Variants in RAPGEF4 observed in about 807,000 individuals in gnomAD.
The protein encoded by RAPGEF4 is RAP guanine-nucleotide-exchange factor (GEF) 4.
A neutral mutation model predicts 147.9 loss-of-function variants in RAPGEF4; 66 were observed. The ratio of observed to expected loss-of-function variants is 0.45; its 90% CI spans 0.37 to 0.55. The LOEUF is 0.55. Among genes scored for constraint, RAPGEF4 ranks in the 20% least tolerant of loss-of-function variants. The pLI, the probability that RAPGEF4 is intolerant of heterozygous loss-of-function variation, is 0.00. For synonymous variants in RAPGEF4, 419 were observed against 442.7 expected (o/e 0.95, Z 0.67); for missense variants, 1,071 against 1,257.3 (o/e 0.85, Z 2.24).
At chr2:172,964,399 CTA>C (rs1689616224) in intron 8 of RAPGEF4, among the ~76,000 whole-genome samples, 1 of 75,454 alleles carries the variant, frequency 1.3e-5, no homozygotes, top group African/African-American at 4.5e-5. Context: ...TTTGCTCCTC[CTA>C]TTTTTTTTTT....
chr2:172,970,518 T>C (rs1217680617), intron 10 of RAPGEF4, among the ~76,000 whole-genome samples: 3 of 152,188 alleles, frequency 2.0e-5, no homozygotes, highest in Non-Finnish European at 2.9e-5. Context: ...TGATAATTAC[T>C]GGGAAAGAAA....
intron 1 of RAPGEF4, among the ~76,000 whole-genome samples, chr2:172,759,575 A>G (rs1414706883): frequency 2.6e-5 from 4 of 152,226 alleles, no homozygotes; most frequent in African/African-American, 7.2e-5. Context: ...CAGAAGTGAT[A>G]TTATCAATAA....
intron 17 of RAPGEF4, among the ~76,000 whole-genome samples, chr2:173,006,900 C>T (rs961178105): frequency 1.3e-5 from 2 of 152,088 alleles, no homozygotes; most frequent in South Asian, 2.1e-4. Context: ...CATATGTCAC[C>T]GTCAGAGGAA....
At chr2:172,887,506 C>A (rs945036508) in intron 4 of RAPGEF4, among the ~76,000 whole-genome samples, 3 of 152,324 alleles carry the variant, frequency 2.0e-5, no homozygotes, top group Admixed American at 2.0e-4. Context: ...CAAATCCAGA[C>A]TACTGCCTGG....
intron 6 of RAPGEF4, among the ~76,000 whole-genome samples, chr2:172,936,645 C>T (rs1376038248): frequency 6.6e-6 from 1 of 151,246 alleles, no homozygotes; most frequent in South Asian, 2.1e-4. Flanking sequence ...GTCAAAGTTA[C>T]TTTTCATACC....
At chr2:172,757,506 G>A (rs1695890591) in intron 1 of RAPGEF4, among the ~76,000 whole-genome samples, 1 of 152,136 alleles carries the variant, frequency 6.6e-6, no homozygotes, top group Non-Finnish European at 1.5e-5. Flanking sequence ...CTCCTTGCTT[G>A]CCCTTTAGGT....
At chr2:172,798,633 T>A (rs1341561161) in intron 3 of RAPGEF4, among the ~76,000 whole-genome samples, 1 of 103,774 alleles carries the variant, frequency 9.6e-6, no homozygotes, top group Non-Finnish European at 2.2e-5. Context: ...TAAGGCAATG[T>A]TTTGGAGGCT....
intron 29 of RAPGEF4, among the ~76,000 whole-genome samples, chr2:173,043,149 G>A (rs1684975647): frequency 6.6e-6 from 1 of 152,214 alleles, no homozygotes; most frequent in African/African-American, 2.4e-5. Context: ...AGGTCTGAGT[G>A]AAATAATCAA....
chr2:172,890,210 A>C (rs935616094), intron 4 of RAPGEF4, among the ~76,000 whole-genome samples: 2 of 152,236 alleles, frequency 1.3e-5, no homozygotes, highest in Non-Finnish European at 2.9e-5. Context: ...TAACATTTGT[A>C]GTGGCTCTAT....
At chr2:172,737,203 G>A (rs974631681) in intron 1 of RAPGEF4, among the ~76,000 whole-genome samples, 24 of 152,154 alleles carry the variant, frequency 1.6e-4, no homozygotes, top group African/African-American at 5.6e-4. Flanking sequence ...TTTTTTGGCA[G>A]GTAGTGCCCT....
intron 22 of RAPGEF4, among the ~76,000 whole-genome samples, chr2:173,020,318 T>C (rs1695952255): frequency 2.1e-4 from 2 of 9,334 alleles, no homozygotes; most frequent in Non-Finnish European, 0.019. Flanking sequence ...ACTTGTGAGA[T>C]AAATAGCCAA....
At position 172,989,106 on chromosome 2, in the gene RAPGEF4, C is replaced by T. The variant is rs531311377; in HGVS notation, c.1374+267C>T. ...CCCTGCACTGGTCCATGAGAATTGA[C>T]GATAAATAGGAATTGCCTTGGCAAA... On this transcript the variant is annotated intron_variant, in intron 14 of 30. Transcript: ENST00000397081. 6.6e-5 allele frequency among the ~76,000 whole-genome samples: 10 copies of T among 152,330 alleles called. No homozygotes were observed. The South Asian group carries it at 1.5e-3, about 22-fold the overall frequency.
At chr2:172,871,080 A>C (rs1003765864) in intron 4 of RAPGEF4, among the ~76,000 whole-genome samples, 2 of 152,190 alleles carry the variant, frequency 1.3e-5, no homozygotes, top group Non-Finnish European at 2.9e-5. Context: ...TCAGTGACCT[A>C]TATTTTCTAG....
chr2:172,996,370 C>A (rs1339804134), intron 15 of RAPGEF4, 96 bp from the exon 16 acceptor site: 8 of 643,618 alleles, frequency 1.2e-5, no homozygotes, highest in Non-Finnish European at 2.6e-6. Context: ...TCCCTGGGAT[C>A]TCAAATTAAA....
chr2:173,047,755 C>A, intron 29 of RAPGEF4, among the ~76,000 whole-genome samples: 1 of 151,888 alleles, frequency 6.6e-6, no homozygotes, highest in African/African-American at 2.4e-5. Flanking sequence ...CGGCTCACTG[C>A]AAGCTCCACC....
intron 4 of RAPGEF4, among the ~76,000 whole-genome samples, chr2:172,875,191 G>A (rs537475158): frequency 5.9e-5 from 9 of 152,208 alleles, no homozygotes; most frequent in African/African-American, 1.9e-4. Flanking sequence ...CTCCCATTCT[G>A]TATGTTGCCT....
At chr2:173,030,089 G>GA in intron 25 of RAPGEF4, 75 bp from the exon 26 acceptor site, 2 of 1,010,982 alleles carry the variant, frequency 2.0e-6, no homozygotes, top group Non-Finnish European at 3.1e-6. Context: ...ATGACTATCA[G>GA]AAAATAGAAC....
At chr2:172,785,590 G>A (rs1024695211) in intron 1 of RAPGEF4, among the ~76,000 whole-genome samples, 2 of 152,094 alleles carry the variant, frequency 1.3e-5, no homozygotes, top group Non-Finnish European at 2.9e-5. Flanking sequence ...TATATATTAA[G>A]TGAACATTAC....
chr2:172,989,749 G>T (rs1268257300), intron 14 of RAPGEF4, among the ~76,000 whole-genome samples: 1 of 152,080 alleles, frequency 6.6e-6, no homozygotes, highest in African/African-American at 2.4e-5. Flanking sequence ...TTCTTTCTAG[G>T]GTCACACTGC....
Sources: gnomAD v4.1 joint callset for allele counts (sites outside exome capture counted in the v4.1 genomes callset) on GRCh38, gnomAD v4.1.1 for gene constraint, MANE v1.5 for transcripts, NCBI Gene and HGNC (gene_info 2026-07-23, HGNC 2026-07-21) for gene names.